The following PDE7B variants were observed in gnomAD, a reference collection of about 807,000 sequenced individuals.
PDE7B encodes the protein phosphodiesterase 7B, also known as 3',5'-cyclic-AMP phosphodiesterase 7B.
PDE7B carries 29 observed loss-of-function variants against 56.2 expected under a neutral mutation model. The observed-to-expected ratio is 0.52, with a 90% CI of 0.38 to 0.70. PDE7B has a LOEUF of 0.70. PDE7B is among the 30% of genes least tolerant of loss of function. The pLI, the probability that PDE7B is intolerant of heterozygous loss-of-function variation, is 0.00. For synonymous variants in PDE7B, 197 were observed against 196.9 expected, an observed-to-expected ratio of 1.00 and a Z score of 0.00; for missense variants, 490 against 565.0, an observed-to-expected ratio of 0.87 and a Z score of 1.35.
chr6:136,074,372 A>G (rs1229187648), intron 2 of PDE7B, among the ~76,000 whole-genome samples: 4 of 152,182 alleles, frequency 2.6e-5, no homozygotes, highest in Admixed American at 2.6e-4. Context: ...ATGCATCATA[A>G]TCGCATCAAG....
chr6:136,088,876 T>C (rs1777336802), intron 2 of PDE7B, among the ~76,000 whole-genome samples: 1 of 151,372 alleles, frequency 6.6e-6, no homozygotes, highest in Non-Finnish European at 1.5e-5. Context: ...AAATGTGAGG[T>C]AATAAAATTT....
At chr6:135,981,297 G>T (rs1374430701) in intron 2 of PDE7B, among the ~76,000 whole-genome samples, 45 of 108,036 alleles carry the variant, frequency 4.2e-4, no homozygotes, top group African/African-American at 1.4e-3. Flanking sequence ...GGTGGGGGGA[G>T]GGGGGAGGGA....
chr6:135,881,612 T>G (rs948491618), intron 1 of PDE7B, among the ~76,000 whole-genome samples: 5 of 152,188 alleles, frequency 3.3e-5, no homozygotes. Context: ...CCTGTTAATG[T>G]AGAGCAGCTG....
chr6:136,147,387 A>C lies in PDE7B; in HGVS notation c.203A>C (p.Lys68Thr), dbSNP rs760051925. The C allele has an allele frequency of 6.2e-7, 1 of 1,611,994 alleles. No homozygotes were observed. Among genetic ancestry groups the C allele is most frequent in the Non-Finnish European group, 8.5e-7 (1 of 1,178,134 alleles). ...TCAGGGGAGATTGGCACCAAGAAAAAGGTGAAAAGACTATTAAGCTTTCAA... is the reference window on the plus strand; with the variant it reads ...TCAGGGGAGATTGGCACCAAGAAAACGGTGAAAAGACTATTAAGCTTTCAA... ...TYSGEIGTKKKVKRLLSFQRY... is the reference protein window; with the variant it reads ...TYSGEIGTKKTVKRLLSFQRY... Residue 68 changes from lysine to threonine, a missense_variant, in exon 4 of 13, where the codon AAG becomes ACG. Physicochemically the swap from Lys to Thr is moderately conservative, Grantham distance 78 (BLOSUM62 -1). Transcript: ENST00000308191.
chr6:136,089,873 G>C (rs996035353), intron 2 of PDE7B, among the ~76,000 whole-genome samples: 5 of 151,926 alleles, frequency 3.3e-5, no homozygotes, highest in Non-Finnish European at 5.9e-5. Context: ...CTTATTTTCT[G>C]TGTCTAGTGT....
At chr6:135,874,606 A>G (rs1034011706) in intron 1 of PDE7B, among the ~76,000 whole-genome samples, 4 of 152,194 alleles carry the variant, frequency 2.6e-5, no homozygotes, top group African/African-American at 9.6e-5. Context: ...GCTTATGTAA[A>G]ATGATTCCTA....
chr6:136,140,416 C>T (rs1404065630), intron 3 of PDE7B, among the ~76,000 whole-genome samples: 1 of 152,148 alleles, frequency 6.6e-6, no homozygotes, highest in African/African-American at 2.4e-5. Context: ...ATGCCTCCAG[C>T]TTTGTTCTTT....
intron 8 of PDE7B, among the ~76,000 whole-genome samples, chr6:136,168,687 C>T (rs1410447976): frequency 6.6e-6 from 1 of 152,004 alleles, no homozygotes; most frequent in Non-Finnish European, 1.5e-5. Flanking sequence ...GTAGGAAAAA[C>T]CAAAAGGATT....
intron 3 of PDE7B, among the ~76,000 whole-genome samples, chr6:136,129,959 T>A (rs1778088578): frequency 6.6e-6 from 1 of 152,182 alleles, no homozygotes; most frequent in Non-Finnish European, 1.5e-5. Flanking sequence ...GCCAGTTGCA[T>A]CTCCACAGGT....
rs140009764 is a variant in PDE7B, at chr6:135,967,329, A to G, written c.82+19805A>G. 5.0e-3 allele frequency among the ~76,000 whole-genome samples: 761 copies of G among 152,314 alleles called. 8 individuals carry two copies. The highest frequency in any genetic ancestry group is 0.016 in the African/African-American group (662 of 41,566). On this transcript the variant is annotated intron_variant, in intron 2 of 12. Transcript: ENST00000308191. ...GCTTATGAGTTTGAATGAAATAACA[A>G]TATGAGTAAAGGACACAGGAAAAAA...
intron 9 of PDE7B, 113 bp downstream of exon 9, chr6:136,174,001 C>A: frequency 1.4e-6 from 1 of 735,362 alleles, no homozygotes; most frequent in Non-Finnish European, 2.4e-6. Context: ...CCCGGCTGTA[C>A]TTCCTGCCTG....
At chr6:136,059,939 G>A (rs954560691) in intron 2 of PDE7B, among the ~76,000 whole-genome samples, 1 of 152,038 alleles carries the variant, frequency 6.6e-6, no homozygotes, top group African/African-American at 2.4e-5. Flanking sequence ...GCTTGGAGAG[G>A]GATAGGAAGA....
intron 1 of PDE7B, among the ~76,000 whole-genome samples, chr6:135,894,938 A>G (rs1031196559): frequency 2.0e-5 from 3 of 152,168 alleles, no homozygotes; most frequent in Non-Finnish European, 4.4e-5. Flanking sequence ...AGAAAGAATC[A>G]TATTTCAATT....
intron 3 of PDE7B, chr6:136,111,112 T>C (rs1306620735): frequency 2.0e-5 from 3 of 152,180 alleles, no homozygotes; most frequent in Non-Finnish European, 4.4e-5. Context: ...CTGTAACATA[T>C]TGCAGATGCA....
At chr6:136,170,136 C>A (rs935034886) in intron 8 of PDE7B, among the ~76,000 whole-genome samples, 9 of 152,252 alleles carry the variant, frequency 5.9e-5, no homozygotes, top group Admixed American at 3.3e-4. Context: ...AGAGATTCTC[C>A]TTCCTCATTT....
At chr6:135,943,823 C>T (rs1774547354) in intron 1 of PDE7B, among the ~76,000 whole-genome samples, 1 of 152,176 alleles carries the variant, frequency 6.6e-6, no homozygotes, top group African/African-American at 2.4e-5. Flanking sequence ...TAGTTTGACT[C>T]TTTATGGTCT....
intron 1 of PDE7B, among the ~76,000 whole-genome samples, chr6:135,879,962 T>C (rs921603107): frequency 6.6e-6 from 1 of 152,170 alleles, no homozygotes; most frequent in Non-Finnish European, 1.5e-5. Flanking sequence ...TATGCAAAAC[T>C]ATAAATATCT....
chr6:135,931,563 T>C (rs577666763), intron 1 of PDE7B, among the ~76,000 whole-genome samples: 23 of 152,268 alleles, frequency 1.5e-4, no homozygotes, highest in Middle Eastern at 3.4e-3. Context: ...ATATTTTCAT[T>C]TATAATAAAT....
At chr6:135,927,703 A>G (rs1291241519) in intron 1 of PDE7B, among the ~76,000 whole-genome samples, 1 of 152,216 alleles carries the variant, frequency 6.6e-6, no homozygotes, top group East Asian at 1.9e-4. Flanking sequence ...CCTAGAAAAT[A>G]CCATTCTGGC....
Sources: gnomAD v4.1 joint callset for allele counts (sites outside exome capture counted in the v4.1 genomes callset) on GRCh38, gnomAD v4.1.1 for gene constraint, MANE v1.5 for transcripts, NCBI Gene and HGNC (gene_info 2026-07-23, HGNC 2026-07-21) for gene names.